Variants in ANKS1B observed in about 807,000 individuals in gnomAD.
ANKS1B encodes ankyrin repeat and sterile alpha motif domain-containing protein 1B.
ANKS1B carries 36 observed loss-of-function variants against 148.3 expected under a neutral mutation model. The ratio of observed to expected loss-of-function variants is 0.24; its 90% CI spans 0.19 to 0.32. ANKS1B has a LOEUF of 0.32. Among genes scored for constraint, ANKS1B ranks in the 10% least tolerant of loss-of-function variants. The probability of loss-of-function intolerance (pLI) is 1.00; values close to 1 mark genes in which losing one functional copy is unlikely to be tolerated. For missense variants in ANKS1B, 1,157 were observed against 1,542.6 expected, an observed-to-expected ratio of 0.75 and a Z score of 4.19; for synonymous variants, 542 against 560.8, an observed-to-expected ratio of 0.97 and a Z score of 0.47.
At chr12:99,889,176 G>A (rs976638103) in intron 1 of ANKS1B, among the ~76,000 whole-genome samples, 5 of 152,202 alleles carry the variant, frequency 3.3e-5, no homozygotes, top group Non-Finnish European at 5.9e-5. Context: ...CTATTACTCC[G>A]TACCAAGCAT....
chr12:99,923,964 C>T (rs950096012), intron 1 of ANKS1B, among the ~76,000 whole-genome samples: 1 of 152,050 alleles, frequency 6.6e-6, no homozygotes, highest in African/African-American at 2.4e-5. Flanking sequence ...TCATCACAGA[C>T]TTTTTGCATA....
chr12:99,846,659 A>G (rs2086713836), intron 1 of ANKS1B, among the ~76,000 whole-genome samples: 1 of 152,036 alleles, frequency 6.6e-6, no homozygotes, highest in South Asian at 2.1e-4. Flanking sequence ...AAAAGATTAT[A>G]TGAGATACTG....
intron 20 of ANKS1B, among the ~76,000 whole-genome samples, chr12:98,805,459 T>C (rs2099043814): frequency 6.6e-6 from 1 of 152,226 alleles, no homozygotes; most frequent in African/African-American, 2.4e-5. Flanking sequence ...ATTGATTCTG[T>C]GTAACACATG....
chr12:99,051,698 TG>T (rs1238761496), intron 17 of ANKS1B, among the ~76,000 whole-genome samples: 14 of 152,350 alleles, frequency 9.2e-5, no homozygotes, highest in Non-Finnish European at 1.0e-4. Flanking sequence ...TGATAGCTTT[TG>T]TGAGGGCATA....
intron 12 of ANKS1B, among the ~76,000 whole-genome samples, chr12:99,359,796 T>A (rs2092333017): frequency 6.6e-6 from 1 of 152,198 alleles, no homozygotes; most frequent in Non-Finnish European, 1.5e-5. Context: ...TCAGGCAGGA[T>A]ACTAGTTAAT....
At chr12:99,520,006 G>A (rs1322514986) in intron 9 of ANKS1B, among the ~76,000 whole-genome samples, 1 of 151,978 alleles carries the variant, frequency 6.6e-6, no homozygotes, top group Non-Finnish European at 1.5e-5. Flanking sequence ...TTCTCTTTAT[G>A]TATTATTGTA....
chr12:99,951,998 C>T (rs1372989150), intron 1 of ANKS1B, among the ~76,000 whole-genome samples: 1 of 152,152 alleles, frequency 6.6e-6, no homozygotes, highest in Non-Finnish European at 1.5e-5. Context: ...AAATATCACA[C>T]TTTAGCCAAT....
chr12:99,141,334 G>C lies in ANKS1B; in HGVS notation c.2526+12955C>G, dbSNP rs556539764. ...TTCCGTGGCTCTCATTTCACAGAAT[G>C]TGCTCTTGTTAAGTTCTCCAGGAGC... On this transcript the variant is annotated intron_variant, in intron 15 of 26. Coordinates refer to ENST00000683438, the MANE Select transcript of ANKS1B (RefSeq NM_001352186.2). Among the ~76,000 whole-genome samples, 9 of 151,526 alleles carry C rather than the reference G, an allele frequency of 5.9e-5. No individual in the cohort carries two copies. In the South Asian group the frequency reaches 1.5e-3, roughly 25 times the overall value.
intron 17 of ANKS1B, among the ~76,000 whole-genome samples, chr12:99,024,530 T>C (rs189174397): frequency 2.5e-4 from 38 of 152,322 alleles, no homozygotes; most frequent in East Asian, 2.1e-3. Flanking sequence ...ATTAGATTGA[T>C]TGGTCATTGG....
chr12:98,847,342 T>G (rs7312653), intron 17 of ANKS1B, among the ~76,000 whole-genome samples: 13,068 of 152,220 alleles, frequency 0.086, 1,780 homozygotes, highest in African/African-American at 0.29. Flanking sequence ...GATTCCACAT[T>G]GAAGTGAGAT....
At chr12:99,729,139 T>C (rs926357986) in intron 8 of ANKS1B, among the ~76,000 whole-genome samples, 4 of 152,232 alleles carry the variant, frequency 2.6e-5, no homozygotes, top group African/African-American at 7.2e-5. Context: ...ATCTCTGACA[T>C]GAAAATATGC....
At chr12:99,292,142 C>A (rs1359354219) in intron 12 of ANKS1B, among the ~76,000 whole-genome samples, 1 of 151,862 alleles carries the variant, frequency 6.6e-6, no homozygotes, top group African/African-American at 2.4e-5. Context: ...GTAACAAAGC[C>A]AAAGTAGACA....
At chr12:99,446,756 T>C (rs1054557490) in intron 10 of ANKS1B, among the ~76,000 whole-genome samples, 2 of 151,930 alleles carry the variant, frequency 1.3e-5, no homozygotes, top group East Asian at 1.9e-4. Flanking sequence ...AAAGTAGACA[T>C]AGACACTATG....
intron 17 of ANKS1B, among the ~76,000 whole-genome samples, chr12:99,023,221 A>T (rs1031218257): frequency 6.6e-6 from 1 of 152,122 alleles, no homozygotes; most frequent in African/African-American, 2.4e-5. Flanking sequence ...GGTTTTACTT[A>T]CATATTTACC....
At chr12:99,313,022 C>T (rs1371331216) in intron 12 of ANKS1B, among the ~76,000 whole-genome samples, 1 of 151,786 alleles carries the variant, frequency 6.6e-6, no homozygotes, top group Non-Finnish European at 1.5e-5. Context: ...AGATAGACTG[C>T]TAACTAGACT....
rs990479492 is a variant in ANKS1B, at chr12:99,463,489, T to C, written c.1439-19680A>G. ...GCGCGAGCCGAAGCAGGGCGAGGCA[T>C]TGCCTCACTTGGGAAGTGCAAGGGG... On this transcript the variant is annotated intron_variant, in intron 10 of 26. Coordinates refer to ENST00000683438, the MANE Select transcript of ANKS1B (RefSeq NM_001352186.2). Among the ~76,000 whole-genome samples, 6 of 152,290 alleles carry C rather than the reference T, an allele frequency of 3.9e-5. 1 individual carries two copies. The highest frequency in any genetic ancestry group is 4.1e-4 in the South Asian group (2 of 4,824).
In ANKS1B at chr12:99,967,113, C is replaced by CT. The variant is rs200547994; in HGVS notation, c.134+16990dup. Among the ~76,000 whole-genome samples the CT allele has an allele frequency of 1.6e-3, 249 of 152,006 alleles. 9 individuals are homozygous for CT. In the East Asian group the frequency reaches 0.04, roughly 25 times the overall value. Reference sequence around the variant, plus strand: ...AGAGTTTCCCATTCAATAAAAGATACTCATGAAATATATAATTATGATTTA... The same window carrying CT: ...AGAGTTTCCCATTCAATAAAAGATACTTCATGAAATATATAATTATGATTTA... On this transcript the variant is annotated intron_variant, in intron 1 of 26. Coordinates refer to ENST00000683438, the MANE Select transcript of ANKS1B (RefSeq NM_001352186.2).
intron 22 of ANKS1B, among the ~76,000 whole-genome samples, chr12:98,785,453 G>A (rs1015605469): frequency 1.3e-5 from 2 of 152,030 alleles, no homozygotes; most frequent in Non-Finnish European, 2.9e-5. Context: ...CTGGGCAACA[G>A]AGTGAGACTC....
chr12:99,688,843 A>AAAT (rs1476023174), intron 8 of ANKS1B, among the ~76,000 whole-genome samples: 1 of 152,014 alleles, frequency 6.6e-6, no homozygotes, highest in African/African-American at 2.4e-5. Context: ...ACTGTCTCTA[A>AAAT]AATAATAATA....
Sources: gnomAD v4.1 joint callset for allele counts (sites outside exome capture counted in the v4.1 genomes callset) on GRCh38, gnomAD v4.1.1 for gene constraint, MANE v1.5 for transcripts, NCBI Gene and HGNC (gene_info 2026-07-23, HGNC 2026-07-21) for gene names.